Variants in RNF111 observed in about 807,000 individuals in gnomAD.
RNF111 encodes the protein ring finger protein 111.
A neutral mutation model predicts 95.1 loss-of-function variants in RNF111; 17 were observed. The observed-to-expected ratio is 0.18, with a 90% CI of 0.12 to 0.27. RNF111 has a LOEUF of 0.27. RNF111 is among the 10% of genes least tolerant of loss of function. The probability of loss-of-function intolerance (pLI) is 1.00; values close to 1 mark genes in which losing one functional copy is unlikely to be tolerated. For missense variants in RNF111, 1,189 were observed against 1,210.4 expected (o/e 0.98, Z 0.26); for synonymous variants, 440 against 414.8 (o/e 1.06, Z -0.74).
chr15:59,078,125 A>T lies in RNF111; in HGVS notation c.1948+1910A>T, dbSNP rs189765845. On this transcript the variant is annotated intron_variant, in intron 7 of 13. Transcript: ENST00000348370. Reference sequence around the variant, plus strand: ...CTTGGTGACTTTGGATAAGTTATTTAATCTCTCTGTCCTTACATTCTTTGC... The same window carrying T: ...CTTGGTGACTTTGGATAAGTTATTTTATCTCTCTGTCCTTACATTCTTTGC... Among the ~76,000 whole-genome samples, 8 of 152,290 alleles carry T rather than the reference A, an allele frequency of 5.3e-5. No individual in the cohort carries two copies. In the East Asian group the frequency reaches 1.3e-3, roughly 26 times the overall value.
At chr15:59,007,506 A>G (rs1197063990) in intron 1 of RNF111, among the ~76,000 whole-genome samples, 1 of 152,182 alleles carries the variant, frequency 6.6e-6, no homozygotes, top group African/African-American at 2.4e-5. Flanking sequence ...TTTGGCTATT[A>G]TGAGTAAAGC....
chr15:58,994,728 T>G, intron 1 of RNF111, among the ~76,000 whole-genome samples: 1 of 152,118 alleles, frequency 6.6e-6, no homozygotes, highest in Non-Finnish European at 1.5e-5. Flanking sequence ...TCAGCCTACT[T>G]CAGCCTCCCA....
At chr15:59,015,001 G>T (rs2040000950) in intron 1 of RNF111, among the ~76,000 whole-genome samples, 1 of 152,134 alleles carries the variant, frequency 6.6e-6, no homozygotes, top group East Asian at 1.9e-4. Context: ...TGCCTGCCTT[G>T]GCCTCCGTAA....
chr15:59,073,063 T>G (rs924446141), intron 6 of RNF111, among the ~76,000 whole-genome samples: 9 of 152,056 alleles, frequency 5.9e-5, no homozygotes, highest in African/African-American at 2.2e-4. Context: ...TCCTAGCTAC[T>G]TGGGAGGCTG....
At chr15:59,064,708 G>C (rs1375095948) in intron 5 of RNF111, among the ~76,000 whole-genome samples, 6 of 151,958 alleles carry the variant, frequency 3.9e-5, no homozygotes, top group Non-Finnish European at 8.8e-5. Context: ...CTTTACAAAA[G>C]GGTTTGGGAG....
intron 8 of RNF111, among the ~76,000 whole-genome samples, chr15:59,083,335 C>G (rs1161996430): frequency 1.3e-5 from 2 of 151,964 alleles, no homozygotes; most frequent in East Asian, 3.9e-4. Flanking sequence ...ATCACAAGGT[C>G]AAGAGATTGA....
intron 7 of RNF111, among the ~76,000 whole-genome samples, chr15:59,079,655 C>CTTTTTTT: frequency 6.9e-6 from 1 of 145,764 alleles, no homozygotes; most frequent in South Asian, 2.2e-4. Flanking sequence ...CTAAGACAAA[C>CTTTTTTT]TTTTTTTTTT....
At chr15:59,048,347 T>C (rs1331015472) in intron 2 of RNF111, among the ~76,000 whole-genome samples, 1 of 152,190 alleles carries the variant, frequency 6.6e-6, no homozygotes, top group Non-Finnish European at 1.5e-5. Flanking sequence ...GAGCCAAAAG[T>C]GTATGCAATG....
At chr15:59,014,597 TA>T (rs2039979935) in intron 1 of RNF111, among the ~76,000 whole-genome samples, 1 of 152,196 alleles carries the variant, frequency 6.6e-6, no homozygotes, top group Admixed American at 6.5e-5. Flanking sequence ...ATACTTGTTT[TA>T]GGGGCAAGCA....
intron 1 of RNF111, among the ~76,000 whole-genome samples, chr15:59,008,284 C>T (rs575890475): frequency 1.3e-5 from 2 of 152,166 alleles, no homozygotes; most frequent in East Asian, 1.9e-4. Flanking sequence ...GTGGCACAGT[C>T]GTGGATCACT....
intron 1 of RNF111, among the ~76,000 whole-genome samples, chr15:59,010,449 T>G (rs564746196): frequency 1.3e-5 from 2 of 152,108 alleles, no homozygotes; most frequent in Non-Finnish European, 2.9e-5. Context: ...TCGCCCAGGC[T>G]GGAGTGCAGT....
At chr15:59,072,870 A>G (rs1467275469) in intron 6 of RNF111, among the ~76,000 whole-genome samples, 3 of 141,372 alleles carry the variant, frequency 2.1e-5, no homozygotes, top group Admixed American at 7.5e-5. Flanking sequence ...GGGCCCTGCA[A>G]TTTTTTTATT....
At position 59,085,695 on chromosome 15, in the gene RNF111, T is replaced by G. The variant is rs2140205021; in HGVS notation, c.2460T>G (p.Thr820=). 1 of 1,613,614 alleles carries G rather than the reference T, an allele frequency of 6.2e-7. No homozygotes were observed. The highest frequency in any genetic ancestry group is 2.2e-5 in the East Asian group (1 of 44,834). ...LGIEAGVTAA[T]YTPGALHPHL... Reference sequence around the variant, plus strand: ...TTGAAGCTGGAGTGACTGCAGCTACTTATACACCTGGTGCATTGCATCCTC... The same window carrying G: ...TTGAAGCTGGAGTGACTGCAGCTACGTATACACCTGGTGCATTGCATCCTC... Residue 820 remains threonine, a synonymous_variant, in exon 10 of 14, where the codon ACT becomes ACG. Coordinates refer to ENST00000348370, the MANE Select transcript of RNF111 (RefSeq NM_017610.8).
intron 1 of RNF111, among the ~76,000 whole-genome samples, chr15:58,994,949 T>G (rs1452779076): frequency 6.6e-6 from 1 of 152,188 alleles, no homozygotes; most frequent in Non-Finnish European, 1.5e-5. Context: ...CATTTTCCAG[T>G]TTTGTCGAAT....
At chr15:59,040,751 T>C (rs888449430) in intron 2 of RNF111, among the ~76,000 whole-genome samples, 1 of 152,348 alleles carries the variant, frequency 6.6e-6, no homozygotes, top group Admixed American at 6.5e-5. Flanking sequence ...TAATACAGTT[T>C]AAGTATTTTG....
At chr15:59,094,718 A>G in intron 13 of RNF111, 65 bp from the exon 14 acceptor site, 1 of 887,320 alleles carries the variant, frequency 1.1e-6, no homozygotes, top group Non-Finnish European at 1.9e-6. Context: ...TACATATATA[A>G]TTTGTTAACT....
intron 13 of RNF111, among the ~76,000 whole-genome samples, chr15:59,094,444 A>C (rs2140266622): frequency 6.6e-6 from 1 of 152,328 alleles, no homozygotes; most frequent in South Asian, 2.1e-4. Flanking sequence ...GATTTTTAAA[A>C]ATATATTTGC....
chr15:59,090,975 G>T (rs1191559144), intron 11 of RNF111, 84 bp from the exon 12 acceptor site: 4 of 820,628 alleles, frequency 4.9e-6, no homozygotes, highest in African/African-American at 1.7e-5. Context: ...AAGTATGGAG[G>T]TTTATTTCTT....
In RNF111 at chr15:59,050,335, C is replaced by G. The variant is rs148046418; in HGVS notation, c.881-1970C>G. On this transcript the variant is annotated intron_variant, in intron 2 of 13. Transcript: ENST00000348370. ...GGAACAACTCCATGTTTTCCAAAAG[C>G]CCTAGAGAACAAATTGGAGGTGCCT... 816 of 152,530 alleles carry G rather than the reference C, an allele frequency of 5.3e-3. 6 individuals carry two copies. Among genetic ancestry groups the G allele is most frequent in the Non-Finnish European group, 8.8e-3 (600 of 68,192 alleles). 9.4% of individuals were successfully genotyped at this position (152,530 alleles called of 1,614,324 possible).
Sources: allele counts gnomAD v4.1 joint callset (sites outside exome capture counted in the v4.1 genomes callset), GRCh38; gene constraint gnomAD v4.1.1; transcripts MANE v1.5; gene names NCBI Gene and HGNC (gene_info 2026-07-23, HGNC 2026-07-21).